EHF: variants seen among roughly 807,000 people sequenced by gnomAD.
EHF encodes the protein ESE3 transcription factor.
A neutral mutation model predicts 45.1 loss-of-function variants in EHF; 14 were observed. The observed-to-expected ratio is 0.31, with a 90% CI of 0.21 to 0.49. EHF has a LOEUF of 0.49. Among genes scored for constraint, EHF ranks in the 20% least tolerant of loss-of-function variants. The pLI is 0.99. For missense variants in EHF, 282 were observed against 371.4 expected, an observed-to-expected ratio of 0.76 and a Z score of 1.98; for synonymous variants, 136 against 131.8, an observed-to-expected ratio of 1.03 and a Z score of -0.22.
At chr11:34,631,284 G>A (rs762579623) in intron 1 of EHF, among the ~76,000 whole-genome samples, 1 of 152,182 alleles carries the variant, frequency 6.6e-6, no homozygotes, top group East Asian at 1.9e-4. Flanking sequence ...TGCCCGCCTC[G>A]GACTCCCAAA....
chr11:34,655,874 G>A (rs1855618765), intron 6 of EHF, among the ~76,000 whole-genome samples: 1 of 152,080 alleles, frequency 6.6e-6, no homozygotes, highest in Non-Finnish European at 1.5e-5. Context: ...TCAGTCCAGG[G>A]GCCCTTGAAG....
Position 34,661,630 on chromosome 11 carries a change from G to C in EHF, c.*2699G>C, listed in dbSNP as rs180762945. ...TTGCTGCATTTTCTATGTGCTGTTC[G>C]TGACTTGGAGAACTTAAAGTAATCG... On this transcript the variant is annotated 3_prime_UTR_variant, in exon 9 of 9. Coordinates refer to ENST00000257831, the MANE Select transcript of EHF (RefSeq NM_012153.6). Among the ~76,000 whole-genome samples, 4 of 152,080 alleles carry C rather than the reference G, an allele frequency of 2.6e-5. No individual in the cohort carries two copies. The highest frequency in any genetic ancestry group is 1.5e-5 in the Non-Finnish European group (1 of 68,018).
chr11:34,623,628 T>A (rs899679957), intron 1 of EHF, among the ~76,000 whole-genome samples: 2 of 152,248 alleles, frequency 1.3e-5, no homozygotes, highest in East Asian at 3.8e-4. Flanking sequence ...TTGCATTCAA[T>A]TAGCGAATTG....
rs761979622 is a variant in EHF at position 34,651,532 on chromosome 11, T to A, written c.407-10T>A. 12 of 1,611,582 alleles carry A rather than the reference T, an allele frequency of 7.4e-6. No individual in the cohort carries two copies. The highest frequency in any genetic ancestry group is 9.3e-6 in the Non-Finnish European group (11 of 1,178,062). ...GATCGCTGACTATTCTCCTTCTCTA[T>A]TTTTTGTAGAGCCTTCCATCATGAA... On this transcript the variant is annotated splice_polypyrimidine_tract_variant and intron_variant, in intron 4 of 8. Transcript: ENST00000257831.
rs117880002 is a variant in EHF at position 34,622,199 on chromosome 11, C to T, written c.-4+971C>T. 3.3e-4 allele frequency: 75 copies of T among 224,058 alleles called. No homozygotes were observed. In the East Asian group the frequency reaches 4.6e-3, roughly 14 times the overall value. 13.9% of individuals were successfully genotyped at this position (224,058 alleles called of 1,614,324 possible). ...TAAATATCAGGCTGAGGTGAGAAAGCGACATTTTCACCGTCCATCTTTGCT... is the reference window on the plus strand; with the variant it reads ...TAAATATCAGGCTGAGGTGAGAAAGTGACATTTTCACCGTCCATCTTTGCT... On this transcript the variant is annotated intron_variant, in intron 1 of 8. Transcript: ENST00000257831.
chr11:34,657,470 T>C (rs890590000), intron 7 of EHF, among the ~76,000 whole-genome samples: 1 of 152,162 alleles, frequency 6.6e-6, no homozygotes, highest in Admixed American at 6.5e-5. Flanking sequence ...ATACGAAATA[T>C]CAGAGACATG....
chr11:34,646,330 C>T, intron 2 of EHF, 109 bp from the exon 3 acceptor site: 22 of 1,534,466 alleles, frequency 1.4e-5, no homozygotes, highest in Non-Finnish European at 1.8e-5. Context: ...CATACACGGA[C>T]TGTGGTTGTG....
chr11:34,656,081 T>A (rs76442251), intron 6 of EHF, among the ~76,000 whole-genome samples: 66 of 150,126 alleles, frequency 4.4e-4, no homozygotes, highest in Non-Finnish European at 5.3e-4. Flanking sequence ...CACACACATA[T>A]ACACACACAC....
chr11:34,658,786 C>A (rs1471615264), intron 8 of EHF, 46 bp from the exon 9 acceptor site: 2 of 1,605,802 alleles, frequency 1.2e-6, no homozygotes, highest in African/African-American at 2.7e-5. Context: ...ATTTACCTAG[C>A]AACCTTCATC....
At chr11:34,651,360 T>C (rs1300080150) in intron 4 of EHF, among the ~76,000 whole-genome samples, 182 bp from the exon 5 acceptor site, 1 of 152,162 alleles carries the variant, frequency 6.6e-6, no homozygotes, top group Non-Finnish European at 1.5e-5. Context: ...CCGAGGATGC[T>C]GAAAGGAAAA....
At chr11:34,624,221 G>A (rs1852175958) in intron 1 of EHF, 12 of 961,522 alleles carry the variant, frequency 1.2e-5, no homozygotes, top group South Asian at 4.8e-5. Context: ...TGGTTGGGAG[G>A]CATTGGCTCC....
At chr11:34,654,759 G>A (rs746259016) in intron 6 of EHF, among the ~76,000 whole-genome samples, 2 of 152,052 alleles carry the variant, frequency 1.3e-5, no homozygotes, top group East Asian at 1.9e-4. Context: ...CAAGGTTTTC[G>A]TCTTATTCAC....
chr11:34,629,144 A>C (rs1283867538), intron 1 of EHF, among the ~76,000 whole-genome samples: 2 of 151,994 alleles, frequency 1.3e-5, no homozygotes, highest in Non-Finnish European at 2.9e-5. Context: ...TTGAGGAGGG[A>C]GGATGTCGTT....
rs544496177 is a variant in EHF, at chr11:34,629,939, C to A, written c.-4+8711C>A. Among the ~76,000 whole-genome samples the A allele has an allele frequency of 6.4e-4, 98 of 152,224 alleles. 1 individual carries two copies. The South Asian group carries it at 0.011, about 17-fold the overall frequency. On this transcript the variant is annotated intron_variant, in intron 1 of 8. Transcript: ENST00000257831. ...GTGGCTTCAGACAGCCAGTCCTAACCCCTGAGTCAATCTGGGGCCTCTAAC... is the reference window on the plus strand; with the variant it reads ...GTGGCTTCAGACAGCCAGTCCTAACACCTGAGTCAATCTGGGGCCTCTAAC...
At chr11:34,627,247 G>A (rs1173732898) in intron 1 of EHF, among the ~76,000 whole-genome samples, 1 of 151,980 alleles carries the variant, frequency 6.6e-6, no homozygotes. Context: ...TATTAAGGGG[G>A]GACCTCCAAA....
intron 6 of EHF, among the ~76,000 whole-genome samples, chr11:34,656,030 A>G (rs918065133): frequency 1.3e-5 from 2 of 151,070 alleles, no homozygotes; most frequent in African/African-American, 4.9e-5. Context: ...GAGTCTTTGT[A>G]AGATCTACTT....
chr11:34,640,903 G>A (rs547967766), intron 1 of EHF, among the ~76,000 whole-genome samples: 5 of 152,138 alleles, frequency 3.3e-5, no homozygotes, highest in Non-Finnish European at 7.4e-5. Context: ...CCAGGTGCTC[G>A]AGGTACAGAA....
chr11:34,651,651 T>C (rs1414783457), intron 5 of EHF, 41 bp downstream of exon 5: 2 of 1,606,550 alleles, frequency 1.2e-6, no homozygotes, highest in East Asian at 2.2e-5. Context: ...TACATTCTTA[T>C]TCAGTTTGTC....
Position 34,658,964 on chromosome 11 carries a change from C to A in EHF, c.*33C>A. The A allele has an allele frequency of 6.7e-7, 1 of 1,503,222 alleles. No individual in the cohort carries two copies. Among genetic ancestry groups the A allele is most frequent in the African/African-American group, 1.4e-5 (1 of 71,452 alleles). The allele number at this position is 1,503,222 out of a possible 1,614,324, so 93.1% of individuals were successfully genotyped here. ...AATACTTTGGACACAAACCAAAACA[C>A]ACACCAAATAATCAGAAACAAAGAA... On this transcript the variant is annotated 3_prime_UTR_variant, in exon 9 of 9. Coordinates refer to ENST00000257831, the MANE Select transcript of EHF (RefSeq NM_012153.6).
Sources: gnomAD v4.1 joint callset for allele counts (sites outside exome capture counted in the v4.1 genomes callset) on GRCh38, gnomAD v4.1.1 for gene constraint, MANE v1.5 for transcripts, NCBI Gene and HGNC (gene_info 2026-07-23, HGNC 2026-07-21) for gene names.